RNF17: variants seen among roughly 807,000 people sequenced by gnomAD.
RNF17 encodes the protein spermatogenesis associated 23.
Under a neutral mutation model 200.5 loss-of-function variants are expected in RNF17, and 31 were observed. The observed-to-expected ratio is 0.15, with a 90% CI of 0.12 to 0.21. The LOEUF is 0.21. Among genes scored for constraint, RNF17 ranks in the 10% least tolerant of loss-of-function variants. The pLI is 1.00. For missense variants in RNF17, 1,628 were observed against 1,905.1 expected (o/e 0.85, Z 2.71); for synonymous variants, 606 against 637.8 (o/e 0.95, Z 0.75).
chr13:24,886,297 G>C, the RNF17 span: 1 of 1,288,942 alleles, frequency 7.8e-7, no homozygotes, highest in South Asian at 1.2e-5. Flanking sequence ...AACAGAGCTG[G>C]ATGTTACGGG....
intron 6 of RNF17, among the ~76,000 whole-genome samples, chr13:24,782,889 A>G (rs1339786882): frequency 6.6e-6 from 1 of 152,144 alleles, no homozygotes; most frequent in East Asian, 1.9e-4. Context: ...CCTTTGATCC[A>G]CAAAAGTTTT....
intron 6 of RNF17, among the ~76,000 whole-genome samples, chr13:24,783,650 A>G (rs1292658202): frequency 6.6e-6 from 1 of 151,432 alleles, no homozygotes; most frequent in East Asian, 1.9e-4. Flanking sequence ...TATTTCCTTA[A>G]TTTTCTTTTG....
At chr13:24,851,979 G>A (rs1018174642) in intron 24 of RNF17, among the ~76,000 whole-genome samples, 2 of 152,210 alleles carry the variant, frequency 1.3e-5, no homozygotes, top group Middle Eastern at 3.4e-3. Flanking sequence ...AAATGTAAAT[G>A]TATTTATATG....
chr13:24,808,961 A>G (rs1227341148), intron 15 of RNF17, among the ~76,000 whole-genome samples: 16 of 150,954 alleles, frequency 1.1e-4, no homozygotes, highest in Non-Finnish European at 1.8e-4. Context: ...TGATTTGCAT[A>G]TATTGAACCA....
At chr13:24,798,096 T>C (rs1884820640) in intron 11 of RNF17, among the ~76,000 whole-genome samples, 1 of 152,140 alleles carries the variant, frequency 6.6e-6, no homozygotes, top group Admixed American at 6.6e-5. Context: ...ATTGAGTAAA[T>C]ATCTTACTTG....
rs1424725133 is a variant in RNF17 at position 24,879,206 on chromosome 13, T to G, written c.4793T>G (p.Ile1598Arg). The G allele has an allele frequency of 9.9e-6, 16 of 1,613,162 alleles. No individual in the cohort carries two copies. Among genetic ancestry groups the G allele is most frequent in the Non-Finnish European group, 1.3e-5 (15 of 1,179,306 alleles). Residue 1598 changes from isoleucine (I) to arginine (R), a missense_variant, in exon 35 of 36, where the codon ATA becomes AGA. Around this residue, in one of 5 missense-constraint regions of RNF17, gnomAD observed 609 missense variants for 681.9 expected, o/e 0.89. Coordinates refer to ENST00000255324, the MANE Select transcript of RNF17 (RefSeq NM_031277.3). ...AVSMAPAPEQ[I>R]VTLYDDEQHP... The stretch of plus-strand genomic sequence containing the variant: ...TTTTAGGCTCCAGCACCAGAACAGA[T>G]AGTGACATTATATGACGATGAACAG...
Position 24,851,517 on chromosome 13 carries a change from G to T in RNF17, c.3266G>T (p.Arg1089Leu). 1.2e-6 allele frequency: 2 copies of T among 1,613,734 alleles called. No individual in the cohort carries two copies. The highest frequency in any genetic ancestry group is 1.7e-6 in the Non-Finnish European group (2 of 1,179,864). ...KIFCRDEKGE[R>L]VDVSKYLIKK... is the part of the protein sequence containing the mutation. ...TTCTGCAGAGATGAAAAAGGAGAGCGTGTTGATGTTTCTAAATATTTGATT... is the reference window on the plus strand; with the variant it reads ...TTCTGCAGAGATGAAAAAGGAGAGCTTGTTGATGTTTCTAAATATTTGATT... The change falls in exon 24 of 36, where the codon CGT (arginine) becomes CTT (leucine). Residue 1089 changes from arginine (R) to leucine (L), a missense_variant. Arg to Leu is a moderately radical substitution (Grantham distance 102). This residue lies in a region of RNF17 where 609 missense variants were observed against 681.9 expected (regional missense o/e 0.89). Transcript: ENST00000255324.
chr13:24,885,537 GTCTA>G, the RNF17 span: 1 of 1,289,546 alleles, frequency 7.8e-7, no homozygotes, highest in South Asian at 1.2e-5. Flanking sequence ...GAAACGTTAA[GTCTA>G]TTAACAAATT....
At chr13:24,758,107 G>A in the RNF17 span, among the ~76,000 whole-genome samples, 4 of 152,286 alleles carry the variant, frequency 2.6e-5, no homozygotes, top group South Asian at 8.3e-4. Context: ...TATGCTTTCT[G>A]TAAAGCCTGC....
intron 14 of RNF17, chr13:24,804,034 G>A: frequency 2.7e-6 from 1 of 374,494 alleles, no homozygotes; most frequent in Non-Finnish European, 4.9e-6. Flanking sequence ...ACTTTGGGAG[G>A]CCAAGGCAGT....
chr13:24,764,764 TTTG>T (rs935709049), intron 1 of RNF17, among the ~76,000 whole-genome samples: 12 of 152,136 alleles, frequency 7.9e-5, no homozygotes, highest in Admixed American at 7.9e-4. Context: ...GGTTTTGGAT[TTTG>T]TTGTTGTTGT....
chr13:24,874,652 TC>T (rs895637526), intron 33 of RNF17, among the ~76,000 whole-genome samples: 2 of 152,090 alleles, frequency 1.3e-5, no homozygotes, highest in Admixed American at 1.3e-4. Context: ...CCTCAGGTGA[TC>T]CCCCCGCCTC....
the RNF17 span, among the ~76,000 whole-genome samples, chr13:24,753,132 C>T: frequency 6.6e-6 from 1 of 152,158 alleles, no homozygotes; most frequent in African/African-American, 2.4e-5. Context: ...TCTAATCTAA[C>T]TGAAAAGATA....
intron 22 of RNF17, among the ~76,000 whole-genome samples, chr13:24,849,886 T>A (rs1053856560): frequency 6.6e-6 from 1 of 152,158 alleles, no homozygotes; most frequent in African/African-American, 2.4e-5. Context: ...ACAAAGAGAC[T>A]TTTTTTCTTT....
At chr13:24,776,357 C>T (rs17081143) in intron 3 of RNF17, among the ~76,000 whole-genome samples, 18,822 of 152,104 alleles carry the variant, frequency 0.12, 1,276 homozygotes, top group Admixed American at 0.15. Context: ...ACATTACCAC[C>T]GTAGCTTCTC....
intron 6 of RNF17, among the ~76,000 whole-genome samples, chr13:24,784,871 A>G (rs1175792447): frequency 2.0e-5 from 3 of 151,694 alleles, no homozygotes; most frequent in Admixed American, 1.3e-4. Context: ...CCGCCCAGCT[A>G]ATTTTTTTTG....
intron 18 of RNF17, among the ~76,000 whole-genome samples, chr13:24,839,577 CAAAT>C (rs1474961995): frequency 1.3e-5 from 2 of 152,050 alleles, no homozygotes; most frequent in African/African-American, 4.8e-5. Flanking sequence ...GAAATAAACC[CAAAT>C]ACTTACAGCC....
At chr13:24,818,011 A>T (rs1288671560) in intron 15 of RNF17, among the ~76,000 whole-genome samples, 1 of 152,006 alleles carries the variant, frequency 6.6e-6, no homozygotes, top group Non-Finnish European at 1.5e-5. Context: ...CAATATTTTA[A>T]AATTGTGTAT....
the RNF17 span, among the ~76,000 whole-genome samples, chr13:24,758,227 A>G: frequency 6.6e-6 from 1 of 152,164 alleles, no homozygotes; most frequent in South Asian, 2.1e-4. Flanking sequence ...AGATCATTTC[A>G]TTCCCCATTC....
Sources: allele counts gnomAD v4.1 joint callset (sites outside exome capture counted in the v4.1 genomes callset), GRCh38; gene constraint gnomAD v4.1.1; regional missense constraint gnomAD v4.1.1; transcripts MANE v1.5; gene names NCBI Gene and HGNC (gene_info 2026-07-23, HGNC 2026-07-21).